FSCN2: variants seen among roughly 807,000 people sequenced by gnomAD.
FSCN2 encodes the protein fascin actin-bundling protein 2, retinal.
In FSCN2, 46 loss-of-function variants were observed where a neutral mutation model predicts 37.8. That is an observed-to-expected ratio of 1.22 (90% CI 0.96 to 1.56). The LOEUF (loss-of-function observed/expected upper bound fraction) is 1.56, where lower values mean the gene tolerates loss of function less well. Ranked by LOEUF, FSCN2 falls within the 40% of genes most tolerant of loss-of-function variation. The pLI is 0.00. For missense variants in FSCN2, 844 were observed against 730.4 expected, an observed-to-expected ratio of 1.16 and a Z score of -1.79; for synonymous variants, 351 against 309.4, an observed-to-expected ratio of 1.13 and a Z score of -1.41.
At chr17:81,534,693 G>T (rs919477126) in intron 1 of FSCN2, among the ~76,000 whole-genome samples, 1 of 151,848 alleles carries the variant, frequency 6.6e-6, no homozygotes, top group Non-Finnish European at 1.5e-5. Context: ...GCAGCTTAGG[G>T]TGAGTTATAA....
chr17:81,529,745 G>A, intron 1 of FSCN2: 1 of 477,526 alleles, frequency 2.1e-6, no homozygotes, highest in South Asian at 1.6e-5. Context: ...AGGGGCATGT[G>A]GGCAGGAGGC....
the FSCN2 span, among the ~76,000 whole-genome samples, chr17:81,516,564 C>G: frequency 6.6e-6 from 1 of 152,136 alleles, no homozygotes; most frequent in African/African-American, 2.4e-5. Context: ...TCTGCCTCTT[C>G]AGGAACAGTG....
At chr17:81,535,904 C>A (rs554771754) in intron 2 of FSCN2, among the ~76,000 whole-genome samples, 4 of 149,356 alleles carry the variant, frequency 2.7e-5, no homozygotes, top group Non-Finnish European at 5.9e-5. Flanking sequence ...CCATCCCCAC[C>A]ACCGTTCCCA....
intron 1 of FSCN2, among the ~76,000 whole-genome samples, chr17:81,531,545 G>T (rs1379071596): frequency 7.1e-6 from 1 of 140,048 alleles, no homozygotes; most frequent in East Asian, 2.1e-4. Flanking sequence ...TGGTGATGAT[G>T]GTGATGGCGA....
upstream of FSCN2, among the ~76,000 whole-genome samples, chr17:81,528,198 C>T (rs2032412154): frequency 6.6e-6 from 1 of 152,192 alleles, no homozygotes; most frequent in South Asian, 2.1e-4. Flanking sequence ...TGCCCTCCAG[C>T]CCCGTAGGCC....
the FSCN2 span, among the ~76,000 whole-genome samples, chr17:81,515,691 T>C: frequency 6.6e-6 from 1 of 152,130 alleles, no homozygotes; most frequent in Non-Finnish European, 1.5e-5. Flanking sequence ...GGACTCTGGG[T>C]CACCTCCACA....
chr17:81,537,128 G>A lies in FSCN2; in HGVS notation c.*48G>A, dbSNP rs1040125362. The A allele has an allele frequency of 1.6e-4, 215 of 1,320,416 alleles. No homozygotes were observed. The African/African-American group carries it at 2.8e-3, about 17-fold the overall frequency. 81.8% of individuals were successfully genotyped at this position (1,320,416 alleles called of 1,614,324 possible). A position where few individuals can be genotyped will look rare whatever the true frequency, so the allele number is the denominator to read the frequency against. On this transcript the variant is annotated 3_prime_UTR_variant, in exon 5 of 5. Transcript: ENST00000417245. ...CGCGCATTAAAACCGTGTCTCTCCC[G>A]CAGCTGTGGGTGGGCCCCGGGGCGC...
Position 81,529,311 on chromosome 17 carries a change from G to T in FSCN2, c.780G>T (p.Gln260His). 6.4e-7 allele frequency: 1 copy of T among 1,561,902 alleles called. No individual in the cohort carries two copies. The highest frequency in any genetic ancestry group is 8.7e-7 in the Non-Finnish European group (1 of 1,152,362). ...ELFDLEESHP[Q>H]VVLVAANHRY... ...TTGATCTGGAGGAGAGTCACCCACA[G>T]GTGGTGCTGGTGGCTGCCAACCACC... Residue 260 changes from glutamine to histidine, a missense_variant, in exon 1 of 5, where the codon CAG becomes CAT. Physicochemically the swap from Gln to His is conservative, Grantham distance 24. Transcript: ENST00000417245.
At chr17:81,515,282 C>T in the FSCN2 span, among the ~76,000 whole-genome samples, 1 of 151,906 alleles carries the variant, frequency 6.6e-6, no homozygotes, top group Admixed American at 6.6e-5. Context: ...AGCCGCCACC[C>T]TTCTGGAACC....
intron 1 of FSCN2, among the ~76,000 whole-genome samples, chr17:81,534,393 A>T (rs2032784916): frequency 6.6e-6 from 1 of 152,084 alleles, no homozygotes; most frequent in Non-Finnish European, 1.5e-5. Flanking sequence ...TGCCATGCAA[A>T]CAGGGAGGTG....
intron 3 of FSCN2, 40 bp downstream of exon 3, chr17:81,536,307 C>T (rs760422163): frequency 6.4e-7 from 1 of 1,572,720 alleles, no homozygotes; most frequent in Non-Finnish European, 8.6e-7. Context: ...CAGGGGCTGT[C>T]TCCACCCAGG....
chr17:81,536,279 G>A lies in FSCN2; in HGVS notation c.1105+12G>A, dbSNP rs373500292. Reference sequence around the variant, plus strand: ...CAGCGATTTTGTCGGTGAGCACTCTGCCTGCCAGGTACTGGGGCAGGGGCT... The same window carrying A: ...CAGCGATTTTGTCGGTGAGCACTCTACCTGCCAGGTACTGGGGCAGGGGCT... On this transcript the variant is annotated intron_variant, in intron 3 of 4. Coordinates refer to ENST00000417245, the MANE Select transcript of FSCN2 (RefSeq NM_012418.4). 4 of 1,591,968 alleles carry A rather than the reference G, an allele frequency of 2.5e-6. No homozygotes were observed. The highest frequency in any genetic ancestry group is 3.4e-6 in the Non-Finnish European group (4 of 1,170,388).
the FSCN2 span, among the ~76,000 whole-genome samples, chr17:81,518,130 C>T: frequency 3.9e-5 from 6 of 152,270 alleles, no homozygotes; most frequent in South Asian, 2.1e-4. Flanking sequence ...ACAGAGTGGG[C>T]GCTGCCTGTC....
chr17:81,528,915 C>G lies in FSCN2; in HGVS notation c.384C>G (p.Ala128=). ...GCTTCGCCACAGCCGTTTCCCCGGC[C>G]GAGCTGTGGACCGTGCACCTGGCCA... ...LSCFATAVSP[A]ELWTVHLAIH... is the part of the protein sequence containing the mutation. The change falls in exon 1 of 5, where the codon GCC becomes GCG. Residue 128 remains alanine, a synonymous_variant. Coordinates refer to ENST00000417245, the MANE Select transcript of FSCN2 (RefSeq NM_012418.4). The G allele has an allele frequency of 6.3e-7, 1 of 1,590,002 alleles. No homozygotes were observed. The highest frequency in any genetic ancestry group is 8.5e-7 in the Non-Finnish European group (1 of 1,171,904).
chr17:81,537,019 C>T lies in FSCN2; in HGVS notation c.1418C>T (p.Ala473Val). The T allele has an allele frequency of 6.7e-7, 1 of 1,502,308 alleles. No individual in the cohort carries two copies. Among genetic ancestry groups the T allele is most frequent in the Non-Finnish European group, 8.8e-7 (1 of 1,132,328 alleles). 93.1% of individuals were successfully genotyped at this position (1,502,308 alleles called of 1,614,324 possible). A position where few individuals can be genotyped will look rare whatever the true frequency, so the allele number is the denominator to read the frequency against. ...ARSGKYLRGG[A>V]SGLLRADADA... ...AGCGGCAAGTACCTGCGCGGCGGCGCCTCGGGCCTGCTGCGGGCCGATGCC... is the reference window on the plus strand; with the variant it reads ...AGCGGCAAGTACCTGCGCGGCGGCGTCTCGGGCCTGCTGCGGGCCGATGCC... The change falls in exon 5 of 5, where the codon GCC (alanine) becomes GTC (valine). Residue 473 changes from alanine to valine, a missense_variant. Ala to Val is a moderately conservative substitution (Grantham distance 64). Transcript: ENST00000417245.
chr17:81,521,981 A>G, the FSCN2 span, among the ~76,000 whole-genome samples: 1 of 152,008 alleles, frequency 6.6e-6, no homozygotes. Flanking sequence ...ATCCAAAATC[A>G]CGTTATAACG....
At position 81,530,090 on chromosome 17, in the gene FSCN2, G is replaced by A. The variant is rs377188137; in HGVS notation, c.826+733G>A. The A allele has an allele frequency of 2.6e-3, 671 of 255,408 alleles. 3 individuals carry two copies. The highest frequency in any genetic ancestry group is 4.7e-3 in the Admixed American group (97 of 20,772). 15.8% of individuals were successfully genotyped at this position (255,408 alleles called of 1,614,324 possible). A position where few individuals can be genotyped will look rare whatever the true frequency, so the allele number is the denominator to read the frequency against. ...CTCCCAAAGTGCTGGGATTACAGGC[G>A]TGAGCCACCGTGCCCGGCTGCATTT... On this transcript the variant is annotated intron_variant, in intron 1 of 4. Transcript: ENST00000417245.
upstream of FSCN2, chr17:81,527,151 A>G: frequency 6.6e-6 from 1 of 152,608 alleles, no homozygotes; most frequent in Non-Finnish European, 1.5e-5. Context: ...CCACCTCTGG[A>G]GCCCACAGGT....
chr17:81,534,488 C>T (rs2032786816), intron 1 of FSCN2, among the ~76,000 whole-genome samples: 1 of 152,052 alleles, frequency 6.6e-6, no homozygotes. Context: ...GGCATGGGTG[C>T]CCCTCCATCC....
Sources: allele counts gnomAD v4.1 joint callset (sites outside exome capture counted in the v4.1 genomes callset), GRCh38; gene constraint gnomAD v4.1.1; transcripts MANE v1.5; gene names NCBI Gene and HGNC (gene_info 2026-07-23, HGNC 2026-07-21).